Variants in FLG observed in about 807,000 individuals in gnomAD.
FLG encodes epidermal filaggrin.
In FLG, 6 loss-of-function variants were observed where a neutral mutation model predicts 3.8. The ratio of observed to expected loss-of-function variants is 1.60; its 90% CI spans 0.87 to 3.15. The LOEUF is 3.15. Among genes scored for constraint, FLG ranks in the 30% most tolerant of loss-of-function variants. The probability of loss-of-function intolerance (pLI) is 0.00; values close to 1 mark genes in which losing one functional copy is unlikely to be tolerated. For synonymous variants in FLG, 2,551 were observed against 1,931.6 expected (o/e 1.32, Z -8.41); for missense variants, 7,595 against 5,050.9 (o/e 1.50, Z -15.27).
rs908844028 is a variant in FLG at position 152,315,403 on chromosome 1, A to G, written c.54T>C (p.Tyr18=). ...TGTCAGTGTTTTTATCTTTTTTTGAATATTGCTTGAAAAGATTAATTATGG... is the reference window on the plus strand; with the variant it reads ...TGTCAGTGTTTTTATCTTTTTTTGAGTATTGCTTGAAAAGATTAATTATGG... ...IFAIINLFKQ[Y]SKKDKNTDTL... Residue 18 remains tyrosine (Y), a synonymous_variant, in exon 2 of 3, where the codon TAT becomes TAC. Transcript: ENST00000368799. The G allele has an allele frequency of 6.2e-7, 1 of 1,612,182 alleles. No individual in the cohort carries two copies. Among genetic ancestry groups the G allele is most frequent in the Admixed American group, 1.7e-5 (1 of 59,862 alleles).
chr1:152,309,760 C>T lies in FLG; in HGVS notation c.5126G>A (p.Ser1709Asn). The T allele has an allele frequency of 6.2e-7, 1 of 1,614,056 alleles. No homozygotes were observed. The highest frequency in any genetic ancestry group is 8.5e-7 in the Non-Finnish European group (1 of 1,180,010). Residue 1709 changes from serine to asparagine, a missense_variant, in exon 3 of 3, where the codon AGT (serine) becomes AAT (asparagine). Ser to Asn is a conservative substitution (Grantham distance 46, BLOSUM62 1). Coordinates refer to ENST00000368799, the MANE Select transcript of FLG (RefSeq NM_002016.2). ...GCTACCACTGGACCCTCGGTTTCCA[C>T]TGTCTCCGACTACAGATGAATCTTG... Reference protein sequence around the residue: ...RRQDSSVVGDSGNRGSSGSQA... With the variant: ...RRQDSSVVGDNGNRGSSGSQA...
chr1:152,310,096 T>A lies in FLG; in HGVS notation c.4790A>T (p.Asp1597Val), dbSNP rs1652286125. 1.9e-6 allele frequency: 3 copies of A among 1,613,870 alleles called. No homozygotes were observed. The highest frequency in any genetic ancestry group is 2.5e-6 in the Non-Finnish European group (3 of 1,179,956). ...TTCTGAGTGTCCCTCACTGTCCCTG[T>A]CCTGACTAACACTGGATCCCTGGCG... is the stretch of plus-strand genomic sequence containing the variant. Reference protein sequence around the residue: ...SRRQGSSVSQDRDSEGHSEDS... With the variant: ...SRRQGSSVSQVRDSEGHSEDS... The change falls in exon 3 of 3, where the codon GAC becomes GTC. Residue 1597 changes from aspartate to valine, a missense_variant. Transcript: ENST00000368799.
At position 152,311,355 on chromosome 1, in the gene FLG, C is replaced by G. The variant is rs548246314; in HGVS notation, c.3531G>C (p.Gln1177His). The G allele has an allele frequency of 3.1e-6, 5 of 1,613,848 alleles. No homozygotes were observed. In the African/African-American group the frequency reaches 5.3e-5, roughly 17 times the overall value. ...AHPGSRRGGR[Q>H]GSHHEQSVDR... is the part of the protein sequence containing the mutation. ...CTACCGATTGCTCATGGTGGGATCC[C>G]TGCCTTCCTCCTCTCCTTGACCCCG... Residue 1177 changes from glutamine to histidine, a missense_variant, in exon 3 of 3, where the codon CAG (glutamine) becomes CAC (histidine). By Grantham distance (24) the Gln-to-His change is conservative (BLOSUM62 0). Coordinates refer to ENST00000368799, the MANE Select transcript of FLG (RefSeq NM_002016.2).
In FLG at chr1:152,308,273, G is replaced by T. The variant is rs1224302367; in HGVS notation, c.6613C>A (p.His2205Asn). 15 of 1,613,218 alleles carry T rather than the reference G, an allele frequency of 9.3e-6. No individual in the cohort carries two copies. Among genetic ancestry groups the T allele is most frequent in the African/African-American group, 2.7e-5 (2 of 75,010 alleles). The part of the protein sequence containing the change: ...DKEQSGDGSR[H>N]SGSHHHEASS... ...GCTTCATGATGATGCGACCCTGAGT[G>T]CCTAGAGCCATCTCCTGATTGTTCC... is the stretch of plus-strand genomic sequence containing the variant. Residue 2205 changes from histidine (H) to asparagine (N), a missense_variant, in exon 3 of 3, where the codon CAC becomes AAC. Transcript: ENST00000368799.
chr1:152,313,890 G>C lies in FLG; in HGVS notation c.996C>G (p.Gly332=), dbSNP rs775883344. ...CATCATGGGACCTGGGGTGTCTGGAGCCATCTCTTGACTGCTCCCACGCAG... is the reference window on the plus strand; with the variant it reads ...CATCATGGGACCTGGGGTGTCTGGACCCATCTCTTGACTGCTCCCACGCAG... ...HGSAWEQSRD[G]SRHPRSHDED... Residue 332 remains glycine (G), a synonymous_variant, in exon 3 of 3, where the codon GGC becomes GGG. Coordinates refer to ENST00000368799, the MANE Select transcript of FLG (RefSeq NM_002016.2). The C allele has an allele frequency of 6.2e-7, 1 of 1,613,966 alleles. No individual in the cohort carries two copies. The highest frequency in any genetic ancestry group is 1.3e-5 in the African/African-American group (1 of 75,002).
In FLG at chr1:152,310,810, G is replaced by T; in HGVS notation, c.4076C>A (p.Ser1359Tyr). The T allele has an allele frequency of 6.2e-7, 1 of 1,611,968 alleles. No individual in the cohort carries two copies. Among genetic ancestry groups the T allele is most frequent in the South Asian group, 1.1e-5 (1 of 90,946 alleles). ...ARSSPGERHG[S>Y]RHQQSADSSR... ...GCTGTCTGCTGACTGCTGGTGGCGGGATCCATGTCTTTCTCCTGGACTTGA... is the reference window on the plus strand; with the variant it reads ...GCTGTCTGCTGACTGCTGGTGGCGGTATCCATGTCTTTCTCCTGGACTTGA... The change falls in exon 3 of 3, where the codon TCC becomes TAC. Residue 1359 changes from serine to tyrosine, a missense_variant. Coordinates refer to ENST00000368799, the MANE Select transcript of FLG (RefSeq NM_002016.2).
Position 152,311,178 on chromosome 1 carries a change from A to G in FLG, c.3708T>C (p.Arg1236=). ...CAGCCCAAGAGGCAGCTTCATGGTG[A>G]CGTGACCCTGAGTGCCTGGAGCCGT... ...SGDGSRHSGS[R]HHEAASWADS... Residue 1236 remains arginine, a synonymous_variant, in exon 3 of 3, where the codon CGT becomes CGC. Transcript: ENST00000368799. The G allele has an allele frequency of 6.2e-7, 1 of 1,613,430 alleles. No homozygotes were observed. Among genetic ancestry groups the G allele is most frequent in the Non-Finnish European group, 8.5e-7 (1 of 1,179,876 alleles).
In FLG at chr1:152,313,914, A is replaced by C. The variant is rs1652646317; in HGVS notation, c.972T>G (p.Ser324=). The C allele has an allele frequency of 6.2e-7, 1 of 1,613,828 alleles. No homozygotes were observed. Among genetic ancestry groups the C allele is most frequent in the Non-Finnish European group, 8.5e-7 (1 of 1,179,954 alleles). ...SGSASRNHHG[S]AWEQSRDGSR... ...AGCCATCTCTTGACTGCTCCCACGC[A>C]GATCCATGATGGTTTCTGGAAGCCG... Residue 324 remains serine (S), a synonymous_variant, in exon 3 of 3, where the codon TCT becomes TCG. Transcript: ENST00000368799.
intron 1 of FLG, among the ~76,000 whole-genome samples, chr1:152,321,438 A>G (rs940629954): frequency 4.0e-5 from 6 of 151,146 alleles, no homozygotes; most frequent in Admixed American, 6.6e-5. Flanking sequence ...AGATTAATCA[A>G]GGAAAGAAGA....
Position 152,309,964 on chromosome 1 carries a change from G to T in FLG, c.4922C>A (p.Ala1641Asp), listed in dbSNP as rs769848573. ...RNPRSHQEDRASHGHSAESSR... is the reference protein window; with the variant it reads ...RNPRSHQEDRDSHGHSAESSR... ...GCTCTCTGCAGAGTGCCCATGACTGGCTCTATCTTCTTGATGGGACCTGGG... is the reference window on the plus strand; with the variant it reads ...GCTCTCTGCAGAGTGCCCATGACTGTCTCTATCTTCTTGATGGGACCTGGG... The change falls in exon 3 of 3, where the codon GCC (alanine) becomes GAC (aspartate). Residue 1641 changes from alanine to aspartate, a missense_variant. By Grantham distance (126) the Ala-to-Asp change is moderately radical (BLOSUM62 -2). Transcript: ENST00000368799. The T allele has an allele frequency of 6.2e-7, 1 of 1,614,024 alleles. No homozygotes were observed. The highest frequency in any genetic ancestry group is 1.1e-5 in the South Asian group (1 of 91,066).
chr1:152,311,657 G>A lies in FLG; in HGVS notation c.3229C>T (p.His1077Tyr), dbSNP rs557910401. 3.1e-6 allele frequency: 5 copies of A among 1,614,110 alleles called. No individual in the cohort carries two copies. In the East Asian group the frequency reaches 6.7e-5, roughly 22 times the overall value. Residue 1077 changes from histidine (H) to tyrosine (Y), a missense_variant, in exon 3 of 3, where the codon CAT becomes TAT. His to Tyr is a moderately conservative substitution (Grantham distance 83, BLOSUM62 2). Transcript: ENST00000368799. ...GACTGTGTGTCTGACTCCTCTGAAT[G>A]TCCCTCACTATCACTGGCCTGACTA... is the stretch of plus-strand genomic sequence containing the variant. ...SGSQASDSEG[H>Y]SEESDTQSVS...
At position 152,311,149 on chromosome 1, in the gene FLG, C is replaced by G. The variant is rs1652390793; in HGVS notation, c.3737G>C (p.Ser1246Thr). 1 of 1,613,804 alleles carries G rather than the reference C, an allele frequency of 6.2e-7. No individual in the cohort carries two copies. The highest frequency in any genetic ancestry group is 8.5e-7 in the Non-Finnish European group (1 of 1,179,978). Residue 1246 changes from serine to threonine, a missense_variant, in exon 3 of 3, where the codon AGC becomes ACC. Coordinates refer to ENST00000368799, the MANE Select transcript of FLG (RefSeq NM_002016.2). ...RHHEAASWAD[S>T]SRHSQVGQEQ... ...CTGTCCCACCTGTGAGTGTCTAGAG[C>G]TGTCAGCCCAAGAGGCAGCTTCATG...
chr1:152,311,562 C>G lies in FLG; in HGVS notation c.3324G>C (p.Gly1108=). 6.2e-7 allele frequency: 1 copy of G among 1,614,012 alleles called. No homozygotes were observed. The highest frequency in any genetic ancestry group is 8.5e-7 in the Non-Finnish European group (1 of 1,180,018). Residue 1108 remains glycine, a synonymous_variant, in exon 3 of 3, where the codon GGG becomes GGC. Coordinates refer to ENST00000368799, the MANE Select transcript of FLG (RefSeq NM_002016.2). ...AAGACCCTGAACGTCCAGACCTTCC[C>G]CCTGACCAGTCACGTGCGGACTCTT... ...SHQESARDWS[G]GRSGRSGSFI... is the part of the protein sequence containing the mutation.
chr1:152,303,603 G>T lies in FLG; in HGVS notation c.11283C>A (p.His3761Gln), dbSNP rs755367746. Reference sequence around the variant, plus strand: ...GTCTTCCTCCTCTCCTTGACCCCGGGTGTCCACGAATGGTGTCCTGACCCT... The same window carrying T: ...GTCTTCCTCCTCTCCTTGACCCCGGTTGTCCACGAATGGTGTCCTGACCCT... ...SQEGQDTIRG[H>Q]PGSRRGGRQG... The change falls in exon 3 of 3, where the codon CAC becomes CAA. Residue 3761 changes from histidine (H) to glutamine (Q), a missense_variant. Coordinates refer to ENST00000368799, the MANE Select transcript of FLG (RefSeq NM_002016.2). 3 of 1,613,972 alleles carry T rather than the reference G, an allele frequency of 1.9e-6. No individual in the cohort carries two copies. The highest frequency in any genetic ancestry group is 2.5e-6 in the Non-Finnish European group (3 of 1,179,964).
chr1:152,310,864 T>C lies in FLG; in HGVS notation c.4022A>G (p.Gln1341Arg). 2 of 1,613,994 alleles carry C rather than the reference T, an allele frequency of 1.2e-6. No individual in the cohort carries two copies. The highest frequency in any genetic ancestry group is 1.7e-6 in the Non-Finnish European group (2 of 1,179,956). The change falls in exon 3 of 3, where the codon CAG becomes CGG. Residue 1341 changes from glutamine (Q) to arginine (R), a missense_variant. Coordinates refer to ENST00000368799, the MANE Select transcript of FLG (RefSeq NM_002016.2). ...THHTESSSHG[Q>R]AVSSHEQARS... Reference sequence around the variant, plus strand: ...TGCCTGTTCATGGGATGACACAGCCTGTCCATGAGAGGAAGACTCTGTGTG... The same window carrying C: ...TGCCTGTTCATGGGATGACACAGCCCGTCCATGAGAGGAAGACTCTGTGTG...
rs1651739004 is a variant in FLG, at chr1:152,303,639, T to A, written c.11247A>T (p.Ser3749=). ...TGGTGTCCTGACCCTCTTGGGACGC[T>A]GAGTGCCTGGAGCTGTCTCGTGCCT... ...HEQARDSSRH[S]ASQEGQDTIR... Residue 3749 remains serine, a synonymous_variant, in exon 3 of 3, where the codon TCA becomes TCT. Coordinates refer to ENST00000368799, the MANE Select transcript of FLG (RefSeq NM_002016.2). 2 of 1,613,990 alleles carry A rather than the reference T, an allele frequency of 1.2e-6. No homozygotes were observed. Among genetic ancestry groups the A allele is most frequent in the Non-Finnish European group, 1.7e-6 (2 of 1,179,960 alleles).
At position 152,309,015 on chromosome 1, in the gene FLG, A is replaced by C. The variant is rs550316856; in HGVS notation, c.5871T>G (p.Pro1957=). ...WEQSRDGSRH[P]GSHHEDRAGH... is the part of the protein sequence containing the mutation. ...CGGCTCTGTCTTCGTGATGGGACCC[A>C]GGGTGTCTGGAGCCATCTCTTGACT... is the stretch of plus-strand genomic sequence containing the variant. The change falls in exon 3 of 3, where the codon CCT becomes CCG. Residue 1957 remains proline, a synonymous_variant. Transcript: ENST00000368799. 50 of 1,613,926 alleles carry C rather than the reference A, an allele frequency of 3.1e-5. No individual in the cohort carries two copies. The highest frequency in any genetic ancestry group is 4.0e-5 in the Non-Finnish European group (47 of 1,179,958).
Position 152,309,166 on chromosome 1 carries a change from C to A in FLG, c.5720G>T (p.Gly1907Val). ...HSQVGQGQSS[G>V]PRTSRNQGSS... Reference sequence around the variant, plus strand: ...TCCCTGGTTCCTGCTTGTCCTGGGCCCTGATGATTGTCCCTGGCCCACCTG... The same window carrying A: ...TCCCTGGTTCCTGCTTGTCCTGGGCACTGATGATTGTCCCTGGCCCACCTG... Residue 1907 changes from glycine (G) to valine (V), a missense_variant, in exon 3 of 3, where the codon GGG (glycine) becomes GTG (valine). By Grantham distance (109) the Gly-to-Val change is moderately radical. Transcript: ENST00000368799. 1.2e-6 allele frequency: 2 copies of A among 1,613,416 alleles called. No individual in the cohort carries two copies. Among genetic ancestry groups the A allele is most frequent in the Non-Finnish European group, 8.5e-7 (1 of 1,179,618 alleles).
At position 152,307,269 on chromosome 1, in the gene FLG, A is replaced by T. The variant is rs776345895; in HGVS notation, c.7617T>A (p.Ser2539=). The T allele has an allele frequency of 3.7e-6, 6 of 1,612,984 alleles. No individual in the cohort carries two copies. Among genetic ancestry groups the T allele is most frequent in the Non-Finnish European group, 4.2e-6 (5 of 1,179,940 alleles). ...GCGAGTGTCCAGAGCTGTCGGCCCG[A>T]GAGGAAGCTTCATGGTGACGCGACC... The part of the protein sequence containing the change: ...HSGSRHHEAS[S]RADSSGHSQV... Residue 2539 remains serine, a synonymous_variant, in exon 3 of 3, where the codon TCT becomes TCA. Transcript: ENST00000368799.
Sources: gnomAD v4.1 joint callset for allele counts (sites outside exome capture counted in the v4.1 genomes callset) on GRCh38, gnomAD v4.1.1 for gene constraint, MANE v1.5 for transcripts, NCBI Gene and HGNC (gene_info 2026-07-23, HGNC 2026-07-21) for gene names.